TMCO5A: variants seen among roughly 807,000 people sequenced by gnomAD.
TMCO5A encodes transmembrane and coiled-coil domains 5A.
A neutral mutation model predicts 42.3 loss-of-function variants in TMCO5A; 34 were observed. The ratio of observed to expected loss-of-function variants is 0.80; its 90% CI spans 0.61 to 1.07. The LOEUF is 1.07. TMCO5A is among the 50% of genes least tolerant of loss of function. The pLI is 0.00. For missense variants in TMCO5A, 357 were observed against 327.9 expected (o/e 1.09, Z -0.69); for synonymous variants, 131 against 115.6 (o/e 1.13, Z -0.86).
chr15:37,972,296 G>A (rs562497525), downstream of TMCO5A, among the ~76,000 whole-genome samples: 38 of 152,212 alleles, frequency 2.5e-4, no homozygotes, highest in Non-Finnish European at 5.0e-4. Context: ...GAAAAGACCT[G>A]CCACCATGAT....
chr15:38,024,104 T>A, the TMCO5A span, among the ~76,000 whole-genome samples: 1 of 152,226 alleles, frequency 6.6e-6, no homozygotes, highest in Non-Finnish European at 1.5e-5. Context: ...TTTCCAAGCT[T>A]GGGCCTGATC....
chr15:37,959,049 C>T (rs1005785439), intron 11 of TMCO5A, among the ~76,000 whole-genome samples: 1 of 151,358 alleles, frequency 6.6e-6, no homozygotes, highest in African/African-American at 2.4e-5. Flanking sequence ...TGTTCTCACT[C>T]ATAAGTGGGA....
In TMCO5A at chr15:37,941,660, T is replaced by C. The variant is rs1848270913; in HGVS notation, c.445-11T>C. ...CCGAAATATATTTACAACTAAATTT[T>C]GATTTCCTAGGTAATGAAGGAGTAT... is the stretch of plus-strand genomic sequence containing the variant. On this transcript the variant is annotated splice_polypyrimidine_tract_variant and intron_variant, in intron 7 of 11. Coordinates refer to ENST00000319669, the MANE Select transcript of TMCO5A (RefSeq NM_152453.4). The C allele has an allele frequency of 6.3e-7, 1 of 1,597,102 alleles. No individual in the cohort carries two copies. Among genetic ancestry groups the C allele is most frequent in the African/African-American group, 1.3e-5 (1 of 74,684 alleles).
In TMCO5A at chr15:37,957,752, T is replaced by C. The variant is rs557618925; in HGVS notation, c.669-8873T>C. Among the ~76,000 whole-genome samples, 17 of 152,178 alleles carry C rather than the reference T, an allele frequency of 1.1e-4. 1 individual carries two copies. In the East Asian group the frequency reaches 3.3e-3, roughly 29 times the overall value. On this transcript the variant is annotated intron_variant, in intron 11 of 11. Coordinates refer to the TMCO5A transcript ENST00000559502. Reference sequence around the variant, plus strand: ...TCAGAAAAAACTACTTTAAATTTCATATGGAACCAAAAAAGAGCCCATATA... The same window carrying C: ...TCAGAAAAAACTACTTTAAATTTCACATGGAACCAAAAAAGAGCCCATATA...
In TMCO5A at chr15:37,941,656, A is replaced by G; in HGVS notation, c.445-15A>G. ...TTTACCGAAATATATTTACAACTAA[A>G]TTTTGATTTCCTAGGTAATGAAGGA... On this transcript the variant is annotated splice_polypyrimidine_tract_variant and intron_variant, in intron 7 of 11. Coordinates refer to ENST00000319669, the MANE Select transcript of TMCO5A (RefSeq NM_152453.4). 6.3e-7 allele frequency: 1 copy of G among 1,591,354 alleles called. No individual in the cohort carries two copies. Among genetic ancestry groups the G allele is most frequent in the Non-Finnish European group, 8.6e-7 (1 of 1,160,030 alleles).
the TMCO5A span, among the ~76,000 whole-genome samples, chr15:38,005,995 A>G: frequency 1.3e-5 from 2 of 152,234 alleles, no homozygotes; most frequent in African/African-American, 4.8e-5. Flanking sequence ...GCTGCACAGA[A>G]TGATAAATTA....
chr15:38,018,892 C>A, the TMCO5A span, among the ~76,000 whole-genome samples: 3 of 152,000 alleles, frequency 2.0e-5, no homozygotes. Flanking sequence ...GAACTTCTTA[C>A]ATACAACACT....
chr15:38,024,866 A>G, the TMCO5A span: 29,416 of 152,324 alleles, frequency 0.19, 2,967 homozygotes, highest in Middle Eastern at 0.3. Context: ...CAAGCCTAGT[A>G]TGGGAAGGAC....
chr15:38,037,002 G>A, the TMCO5A span, among the ~76,000 whole-genome samples: 1 of 152,102 alleles, frequency 6.6e-6, no homozygotes, highest in East Asian at 1.9e-4. Context: ...AAAGGCATTT[G>A]AACAGAGACA....
chr15:37,974,568 C>T, the TMCO5A span, among the ~76,000 whole-genome samples: 14 of 152,122 alleles, frequency 9.2e-5, no homozygotes, highest in Middle Eastern at 3.4e-3. Flanking sequence ...AGTCTCTGAG[C>T]GTTGTTTGTA....
At chr15:37,987,919 G>A in the TMCO5A span, among the ~76,000 whole-genome samples, 1 of 152,018 alleles carries the variant, frequency 6.6e-6, no homozygotes, top group South Asian at 2.1e-4. Context: ...GATTTTGATA[G>A]GCATTGCACT....
At chr15:37,992,225 C>T in the TMCO5A span, among the ~76,000 whole-genome samples, 33 of 152,182 alleles carry the variant, frequency 2.2e-4, no homozygotes, top group South Asian at 4.4e-3. Context: ...GACATACATG[C>T]GGCCAACAAG....
chr15:38,027,684 T>C, the TMCO5A span, among the ~76,000 whole-genome samples: 3 of 152,228 alleles, frequency 2.0e-5, no homozygotes, highest in South Asian at 4.2e-4. Flanking sequence ...CCCACCCAAA[T>C]CTCACCTTGA....
chr15:38,002,312 A>G, the TMCO5A span, among the ~76,000 whole-genome samples: 1 of 150,608 alleles, frequency 6.6e-6, no homozygotes, highest in African/African-American at 2.5e-5. Context: ...AGGTAGTCTC[A>G]TTTGGATTAT....
chr15:38,037,824 T>A, the TMCO5A span, among the ~76,000 whole-genome samples: 16 of 152,118 alleles, frequency 1.1e-4, no homozygotes, highest in South Asian at 3.3e-3. Flanking sequence ...ACCAGCCTGG[T>A]AAATATGGTG....
In TMCO5A at chr15:37,960,526, TCTC is replaced by T. The variant is rs375807652; in HGVS notation, c.669-6093_669-6091del. Among the ~76,000 whole-genome samples, 361 of 152,150 alleles carry T rather than the reference TCTC, an allele frequency of 2.4e-3. 2 individuals are homozygous for T. Among genetic ancestry groups the T allele is most frequent in the African/African-American group, 8.2e-3 (340 of 41,548 alleles). On this transcript the variant is annotated intron_variant, in intron 11 of 11. Transcript: ENST00000559502. ...CAAATATCTTTTTTGTATGATGACT[TCTC>T]CTCCTGGTAGATATCCAGTAGTGGA...
chr15:37,966,994 G>T (rs1890574261), exon 12 of TMCO5A: 2 of 292,880 alleles, frequency 6.8e-6, no homozygotes, highest in African/African-American at 4.3e-5. Flanking sequence ...AAAAGCAGAG[G>T]TCTACTTCAT....
chr15:38,027,748 T>C, the TMCO5A span, among the ~76,000 whole-genome samples: 2 of 152,148 alleles, frequency 1.3e-5, no homozygotes, highest in Non-Finnish European at 2.9e-5. Flanking sequence ...AATTGAATCA[T>C]GGGAACAGTT....
the TMCO5A span, among the ~76,000 whole-genome samples, chr15:38,026,798 C>A: frequency 6.6e-6 from 1 of 152,356 alleles, no homozygotes; most frequent in Non-Finnish European, 1.5e-5. Context: ...TGCATCCCAG[C>A]TGCTCCAGCC....
Sources: gnomAD v4.1 joint callset for allele counts (sites outside exome capture counted in the v4.1 genomes callset) on GRCh38, gnomAD v4.1.1 for gene constraint, MANE v1.5 for transcripts, NCBI Gene and HGNC (gene_info 2026-07-23, HGNC 2026-07-21) for gene names.